SCN4A: variants seen among roughly 807,000 people sequenced by gnomAD.
SCN4A encodes sodium channel protein type 4 subunit alpha.
A neutral mutation model predicts 162.0 loss-of-function variants in SCN4A; 83 were observed. That is an observed-to-expected ratio of 0.51 (90% CI 0.43 to 0.61). The LOEUF (loss-of-function observed/expected upper bound fraction) is 0.61. Among genes scored for constraint, SCN4A ranks in the 20% least tolerant of loss-of-function variants. The probability of loss-of-function intolerance (pLI) is 0.00; values close to 1 mark genes in which losing one functional copy is unlikely to be tolerated. For synonymous variants in SCN4A, 944 were observed against 985.1 expected (o/e 0.96, Z 0.78); for missense variants, 2,196 against 2,462.5 (o/e 0.89, Z 2.29).
At chr17:63,963,619 T>C in intron 10 of SCN4A, 53 bp downstream of exon 10, 2 of 1,478,494 alleles carry the variant, frequency 1.4e-6, no homozygotes, top group South Asian at 2.8e-5. Context: ...CTGAATCCAG[T>C]CCAGCCAGGC....
At chr17:63,943,240 G>GAGAGAGAGA in intron 22 of SCN4A, 144 bp from the exon 23 acceptor site, 2 of 1,007,080 alleles carry the variant, frequency 2.0e-6, no homozygotes, top group East Asian at 2.4e-5. Context: ...GAGAGAGAAA[G>GAGAGAGAGA]GAGGTGTTGG....
At chr17:63,943,973 G>A in intron 21 of SCN4A, 123 bp from the exon 22 acceptor site, 1 of 651,120 alleles carries the variant, frequency 1.5e-6, no homozygotes, top group Non-Finnish European at 2.8e-6. Context: ...TCAGCCTGGA[G>A]GAAGCGGGAG....
At chr17:63,947,013 C>A in intron 18 of SCN4A, 32 bp downstream of exon 18, 66 of 1,459,400 alleles carry the variant, frequency 4.5e-5, no homozygotes, top group African/African-American at 5.6e-5. Flanking sequence ...CCCCCATCCC[C>A]AGCCCACCCC....
intron 8 of SCN4A, 44 bp downstream of exon 8, chr17:63,966,058 G>C (rs549332957): frequency 4.8e-6 from 7 of 1,459,806 alleles, no homozygotes; most frequent in Non-Finnish European, 6.6e-6. Context: ...GGGATGGAGG[G>C]GGAGTGGCTG....
chr17:63,958,832 C>A (rs183481455), intron 12 of SCN4A, among the ~76,000 whole-genome samples: 1 of 152,208 alleles, frequency 6.6e-6, no homozygotes, highest in East Asian at 1.9e-4. Context: ...GGATTACAGG[C>A]GTGAGCCACC....
intron 5 of SCN4A, among the ~76,000 whole-genome samples, chr17:63,968,660 G>A (rs1490495815): frequency 6.6e-6 from 1 of 152,172 alleles, no homozygotes; most frequent in Non-Finnish European, 1.5e-5. Flanking sequence ...ATGTCACTAA[G>A]TTAGCGCTGT....
rs776181227 is a variant in SCN4A at position 63,951,674 on chromosome 17, CCAGCCTCCCCGGCCCCGT to C, written c.2585_2602del (p.Asp862_Ala867del). 68 of 1,605,702 alleles carry C rather than the reference CCAGCCTCCCCGGCCCCGT, an allele frequency of 4.2e-5. No homozygotes were observed. The highest frequency in any genetic ancestry group is 5.4e-5 in the Non-Finnish European group (64 of 1,176,034). ...CTCGGGGGCAGTCTCCCCCGCCTCT[CCAGCCTCCCCGGCCCCGT>C]CAGCCTCCCCGAGGCTGAGCATGAT... On this transcript the variant is annotated inframe_deletion, in exon 14 of 24. Transcript: ENST00000435607. This position sits in a 1 kb window ranked among gnomAD's most constrained non-coding sequence, Gnocchi z 4.5.
Position 63,951,505 on chromosome 17 carries a change from C to T in SCN4A, c.2772G>A (p.Val924=). ...FINNPYLTIQ[V]PIASEESDLE... ...GGTCGGACTCCTCGGAGGCGATGGG[C>T]ACCTGTATGGTCAGGTAGGGGTTGT... The change falls in exon 14 of 24, where the codon GTG becomes GTA. Residue 924 remains valine, a synonymous_variant. Transcript: ENST00000435607. The surrounding 1 kb of genome is among the most constrained non-coding windows in gnomAD (Gnocchi z 4.5). The T allele has an allele frequency of 8.7e-6, 14 of 1,613,958 alleles. No individual in the cohort carries two copies. Among genetic ancestry groups the T allele is most frequent in the Non-Finnish European group, 1.2e-5 (14 of 1,179,860 alleles).
intron 5 of SCN4A, among the ~76,000 whole-genome samples, chr17:63,970,811 T>G (rs1328057339): frequency 2.0e-5 from 3 of 152,126 alleles, no homozygotes; most frequent in Non-Finnish European, 4.4e-5. Flanking sequence ...TTTTTGTATT[T>G]TTAGTAGAGA....
At chr17:63,943,899 C>T (rs1336396275) in intron 21 of SCN4A, 49 bp from the exon 22 acceptor site, 4 of 1,211,288 alleles carry the variant, frequency 3.3e-6, no homozygotes, top group Non-Finnish European at 3.7e-6. Context: ...CCCCTTCCTG[C>T]CTCCAGGACC....
Position 63,972,357 on chromosome 17 carries a change from G to A in SCN4A, c.387C>T (p.Ile129=), listed in dbSNP as rs377620351. 6.2e-7 allele frequency: 1 copy of A among 1,613,512 alleles called. No homozygotes were observed. Among genetic ancestry groups the A allele is most frequent in the Non-Finnish European group, 8.5e-7 (1 of 1,179,642 alleles). ...TCCCATCTTGGGCAGGATATGCATG[G>A]ATGAGCACCTTGATGGCCCCGCGCC... ...VVRRGAIKVL[I]HALFSMFIMI... Residue 129 remains isoleucine, a synonymous_variant, in exon 2 of 24, where the codon ATC becomes ATT. Transcript: ENST00000435607. The surrounding 1 kb of genome is among the most constrained non-coding windows in gnomAD (Gnocchi z 4.3).
intron 17 of SCN4A, 118 bp downstream of exon 17, chr17:63,947,772 G>C (rs1597970951): frequency 1.0e-6 from 1 of 956,156 alleles, no homozygotes; most frequent in Non-Finnish European, 1.5e-6. Flanking sequence ...CTGATTGAGG[G>C]TCTGACTCTG....
chr17:63,961,683 G>A, intron 10 of SCN4A: 1 of 511,060 alleles, frequency 2.0e-6, no homozygotes, highest in Non-Finnish European at 3.5e-6. Flanking sequence ...AAGCTCCACC[G>A]CCTCAGTGAG....
At chr17:63,949,044 AC>A (rs1908821258) in intron 15 of SCN4A, among the ~76,000 whole-genome samples, 1 of 145,480 alleles carries the variant, frequency 6.9e-6, no homozygotes, top group South Asian at 2.3e-4. Context: ...CCCACCCCCC[AC>A]CTCGCCCAGG....
intron 13 of SCN4A, among the ~76,000 whole-genome samples, chr17:63,956,686 T>G (rs963127327): frequency 2.0e-5 from 3 of 152,234 alleles, no homozygotes; most frequent in Admixed American, 2.0e-4. Flanking sequence ...CTCCCTGTTG[T>G]TTTTCTTCTA....
At position 63,961,224 on chromosome 17, in the gene SCN4A, T is replaced by G; in HGVS notation, c.1814A>C (p.His605Pro). The G allele has an allele frequency of 3.2e-6, 5 of 1,557,470 alleles. No homozygotes were observed. Among genetic ancestry groups the G allele is most frequent in the Non-Finnish European group, 4.3e-6 (5 of 1,150,320 alleles). ...GCCCACAGTGAGCACGTTGTCAAAG[T>G]GCTCCGTCATGGGGTAATGTTCCAT... ...MAMEHYPMTE[H>P]FDNVLTVGNL... The change falls in exon 11 of 24, where the codon CAC becomes CCC. Residue 605 changes from histidine (H) to proline (P), a missense_variant. By Grantham distance (77) the His-to-Pro change is moderately conservative (BLOSUM62 -2). Coordinates refer to ENST00000435607, the MANE Select transcript of SCN4A (RefSeq NM_000334.4).
Position 63,961,260 on chromosome 17 carries a change from A to G in SCN4A, c.1778T>C (p.Leu593Pro), listed in dbSNP as rs1335771556. ...GGGGTAATGTTCCATGGCCATGAAGAGGGTGTTGAGCACGATGCAGATGGT... is the reference window on the plus strand; with the variant it reads ...GGGGTAATGTTCCATGGCCATGAAGGGGGTGTTGAGCACGATGCAGATGGT... ...GITICIVLNT[L>P]FMAMEHYPMT... The change falls in exon 11 of 24, where the codon CTC becomes CCC. Residue 593 changes from leucine (L) to proline (P), a missense_variant. Coordinates refer to ENST00000435607, the MANE Select transcript of SCN4A (RefSeq NM_000334.4). 6.2e-7 allele frequency: 1 copy of G among 1,611,538 alleles called. No homozygotes were observed. The highest frequency in any genetic ancestry group is 8.5e-7 in the Non-Finnish European group (1 of 1,179,092).
At position 63,941,122 on chromosome 17, in the gene SCN4A, G is replaced by A. The variant is rs1388843730; in HGVS notation, c.5160C>T (p.Thr1720=). ...PSKVSYEPIT[T]TLKRKHEEVC... ...CCTCCTCGTGCTTCCTCTTGAGGGT[G>A]GTGGTGATGGGCTCGTAGGACACCT... Residue 1720 remains threonine, a synonymous_variant, in exon 24 of 24, where the codon ACC becomes ACT. Coordinates refer to ENST00000435607, the MANE Select transcript of SCN4A (RefSeq NM_000334.4). The surrounding 1 kb of genome is among the most constrained non-coding windows in gnomAD (Gnocchi z 6.2). 9 of 1,613,860 alleles carry A rather than the reference G, an allele frequency of 5.6e-6. No homozygotes were observed. Among genetic ancestry groups the A allele is most frequent in the African/African-American group, 2.7e-5 (2 of 74,904 alleles).
chr17:63,942,986 G>T lies in SCN4A; in HGVS notation c.4128C>A (p.Asn1376Lys). ...GGATGTCCACCTTGAGCTGGCTCTG[G>T]TTGTCTGTCTCCACCATCATGGTGA... ...NMVTMMVETD[N>K]QSQLKVDILY... Residue 1376 changes from asparagine to lysine, a missense_variant, in exon 23 of 24, where the codon AAC becomes AAA. Coordinates refer to ENST00000435607, the MANE Select transcript of SCN4A (RefSeq NM_000334.4). The T allele has an allele frequency of 1.2e-6, 2 of 1,614,004 alleles. No homozygotes were observed. Among genetic ancestry groups the T allele is most frequent in the Non-Finnish European group, 1.7e-6 (2 of 1,179,862 alleles).
Sources: gnomAD v4.1 joint callset for allele counts (sites outside exome capture counted in the v4.1 genomes callset) on GRCh38, gnomAD v4.1.1 for gene constraint, Gnocchi (gnomAD v3.1) non-coding constraint, MANE v1.5 for transcripts, NCBI Gene and HGNC (gene_info 2026-07-23, HGNC 2026-07-21) for gene names.